ITSN1: variants seen among roughly 807,000 people sequenced by gnomAD.
ITSN1 encodes the protein intersectin-1.
In ITSN1, 58 loss-of-function variants were observed where a neutral mutation model predicts 239.8. The observed-to-expected ratio is 0.24, with a 90% confidence interval of 0.20 to 0.30. The LOEUF (loss-of-function observed/expected upper bound fraction) is 0.30, where lower values mean the gene tolerates loss of function less well. ITSN1 is among the 10% of genes least tolerant of loss of function. The pLI, the probability that ITSN1 is intolerant of heterozygous loss-of-function variation, is 1.00. For missense variants in ITSN1, 1,558 were observed against 2,103.3 expected (o/e 0.74, Z 5.07); for synonymous variants, 780 against 770.8 (o/e 1.01, Z -0.20).
intron 1 of ITSN1, among the ~76,000 whole-genome samples, chr21:33,652,729 G>A (rs972129832): frequency 1.7e-4 from 26 of 152,048 alleles, no homozygotes; most frequent in African/African-American, 6.3e-4. Context: ...ATTATTTTCT[G>A]TATTACCAAT....
chr21:33,813,854 TA>T, intron 21 of ITSN1, 58 bp from the exon 22 acceptor site: 2 of 1,429,666 alleles, frequency 1.4e-6, no homozygotes, highest in Non-Finnish European at 1.9e-6. Context: ...TTACTGTGGG[TA>T]AAAAGCTGGT....
At chr21:33,820,542 C>G (rs569696831) in intron 24 of ITSN1, among the ~76,000 whole-genome samples, 86 of 152,262 alleles carry the variant, frequency 5.6e-4, no homozygotes, top group African/African-American at 2.0e-3. Flanking sequence ...ATTAAAACAG[C>G]TGTTTTAGGT....
At chr21:33,667,971 A>G (rs2090029077) in intron 1 of ITSN1, among the ~76,000 whole-genome samples, 1 of 152,124 alleles carries the variant, frequency 6.6e-6, no homozygotes, top group African/African-American at 2.4e-5. Flanking sequence ...GGGAGCAAGG[A>G]TAGGAGGATG....
chr21:33,717,652 T>C lies in ITSN1; in HGVS notation c.-32-1145T>C, dbSNP rs1022192995. Reference sequence around the variant, plus strand: ...CTCACTGCAAGCTCCATCTCCTGGGTTCACGCCATTCTCCTGCCTCAGCCT... The same window carrying C: ...CTCACTGCAAGCTCCATCTCCTGGGCTCACGCCATTCTCCTGCCTCAGCCT... On this transcript the variant is annotated intron_variant, in intron 1 of 39. Coordinates refer to ENST00000381318, the MANE Select transcript of ITSN1 (RefSeq NM_003024.3). Among the ~76,000 whole-genome samples, 4 of 151,444 alleles carry C rather than the reference T, an allele frequency of 2.6e-5. No homozygotes were observed. In the South Asian group the frequency reaches 6.3e-4, roughly 24 times the overall value.
Position 33,834,191 on chromosome 21 carries a change from A to C in ITSN1, c.3352-116A>C, listed in dbSNP as rs990825597. Reference sequence around the variant, plus strand: ...ATAGTAATCCATAGATTTTACCGTTAATGTCATTTGTTTTTCAGTTATATG... The same window carrying C: ...ATAGTAATCCATAGATTTTACCGTTCATGTCATTTGTTTTTCAGTTATATG... On this transcript the variant is annotated intron_variant, in intron 27 of 39. Transcript: ENST00000381318. The C allele has an allele frequency of 7.0e-6, 5 of 710,384 alleles. No homozygotes were observed. The East Asian group carries it at 1.0e-4, about 14-fold the overall frequency. 44.0% of individuals were successfully genotyped at this position (710,384 alleles called of 1,614,324 possible).
At chr21:33,837,958 A>G in intron 29 of ITSN1, 1 of 985,762 alleles carries the variant, frequency 1.0e-6, no homozygotes, top group Non-Finnish European at 1.2e-6. Context: ...GTTACTTTTC[A>G]TGGAATGACC....
At chr21:33,647,582 G>A (rs2088088870) in intron 1 of ITSN1, among the ~76,000 whole-genome samples, 1 of 151,850 alleles carries the variant, frequency 6.6e-6, no homozygotes, top group African/African-American at 2.4e-5. Flanking sequence ...TGCAACCTAC[G>A]CTTCCCAGGT....
At position 33,654,607 on chromosome 21, in the gene ITSN1, C is replaced by T. The variant is rs1348413188; in HGVS notation, c.-33+11894C>T. Among the ~76,000 whole-genome samples, 8 of 152,082 alleles carry T rather than the reference C, an allele frequency of 5.3e-5. No individual in the cohort carries two copies. The East Asian group carries it at 5.8e-4, about 11-fold the overall frequency. On this transcript the variant is annotated intron_variant, in intron 1 of 39. Transcript: ENST00000381318. Reference sequence around the variant, plus strand: ...CACAAAAGACATAATACATTGAACTCGGGTTGGGCACCTGACCAACCTGGC... The same window carrying T: ...CACAAAAGACATAATACATTGAACTTGGGTTGGGCACCTGACCAACCTGGC...
At chr21:33,814,175 T>C (rs556888125) in intron 22 of ITSN1, 103 bp downstream of exon 22, 28 of 1,291,732 alleles carry the variant, frequency 2.2e-5, no homozygotes, top group Admixed American at 1.7e-4. Flanking sequence ...AGCCTTGTTA[T>C]GTGTGTCTTG....
intron 21 of ITSN1, among the ~76,000 whole-genome samples, chr21:33,812,699 A>G (rs529825973): frequency 5.9e-5 from 9 of 152,110 alleles, no homozygotes; most frequent in African/African-American, 1.2e-4. Flanking sequence ...AGGTCTCACT[A>G]TGTTGCCCAG....
intron 29 of ITSN1, 64 bp from the exon 30 acceptor site, chr21:33,856,672 C>G: frequency 6.2e-7 from 1 of 1,606,936 alleles, no homozygotes. Flanking sequence ...GAGGATCTTC[C>G]GTGTGAAGTT....
At chr21:33,763,545 A>C (rs1398888867) in intron 9 of ITSN1, among the ~76,000 whole-genome samples, 1 of 152,176 alleles carries the variant, frequency 6.6e-6, no homozygotes, top group Non-Finnish European at 1.5e-5. Context: ...GACAATCAGA[A>C]ATGTCTCCAG....
rs185362357 is a variant in ITSN1, at chr21:33,784,701, A to C, written c.1824+2568A>C. Among the ~76,000 whole-genome samples, 4 of 152,184 alleles carry C rather than the reference A, an allele frequency of 2.6e-5. No individual in the cohort carries two copies. The South Asian group carries it at 8.3e-4, about 32-fold the overall frequency. ...AGATTTATAGAATTTGATTGAGACA[A>C]CTCAGAGATGGATTTATCATTTAGT... On this transcript the variant is annotated intron_variant, in intron 16 of 39. Coordinates refer to ENST00000381318, the MANE Select transcript of ITSN1 (RefSeq NM_003024.3).
At chr21:33,836,993 T>C (rs1208661897) in intron 29 of ITSN1, 36 of 1,613,120 alleles carry the variant, frequency 2.2e-5, no homozygotes, top group Non-Finnish European at 2.9e-5. Context: ...CTAGGAATCA[T>C]ATGTTGTCCA....
chr21:33,837,923 C>G, intron 29 of ITSN1: 1 of 985,684 alleles, frequency 1.0e-6, no homozygotes, highest in Non-Finnish European at 1.2e-6. Flanking sequence ...TCTTTTTAGT[C>G]TCTGTTACAT....
At chr21:33,642,854 C>T (rs1472626057) in intron 1 of ITSN1, 141 bp downstream of exon 1, 1 of 151,768 alleles carries the variant, frequency 6.6e-6, no homozygotes, top group African/African-American at 2.4e-5. Flanking sequence ...CCCTTAGCCC[C>T]TCGCCGCGCG....
intron 1 of ITSN1, among the ~76,000 whole-genome samples, chr21:33,678,757 A>C (rs1213584824): frequency 6.6e-6 from 1 of 152,198 alleles, no homozygotes. Flanking sequence ...TTTGTCATCC[A>C]GGCTGGAGTG....
chr21:33,705,078 T>A (rs776975681), intron 1 of ITSN1, among the ~76,000 whole-genome samples: 96 of 134,504 alleles, frequency 7.1e-4, no homozygotes, highest in Non-Finnish European at 1.3e-3. Flanking sequence ...GCCACTGCAC[T>A]CCAGCCTGGG....
intron 39 of ITSN1, 90 bp from the exon 40 acceptor site, chr21:33,888,062 A>T: frequency 1.5e-6 from 2 of 1,298,532 alleles, no homozygotes; most frequent in African/African-American, 1.5e-5. Context: ...AGAGCATAAC[A>T]GTTCATCAGG....
Sources: gnomAD v4.1 joint callset for allele counts (sites outside exome capture counted in the v4.1 genomes callset) on GRCh38, gnomAD v4.1.1 for gene constraint, MANE v1.5 for transcripts, NCBI Gene and HGNC (gene_info 2026-07-23, HGNC 2026-07-21) for gene names.